Variants in SOS2 observed in about 807,000 individuals in gnomAD.
SOS2 encodes the protein son of sevenless homolog 2.
Under a neutral mutation model 148.2 loss-of-function variants are expected in SOS2, and 65 were observed. The ratio of observed to expected loss-of-function variants is 0.44; its 90% confidence interval spans 0.36 to 0.54. The LOEUF is 0.54. Among genes scored for constraint, SOS2 ranks in the 20% least tolerant of loss-of-function variants. The pLI, the probability that SOS2 is intolerant of heterozygous loss-of-function variation, is 0.00. For missense variants in SOS2, 1,341 were observed against 1,590.2 expected (o/e 0.84, Z 2.67); for synonymous variants, 539 against 537.1 (o/e 1.00, Z -0.05).
intron 7 of SOS2, 28 bp downstream of exon 7, chr14:50,180,544 A>AC: frequency 1.9e-6 from 2 of 1,031,092 alleles, no homozygotes; most frequent in Admixed American, 2.6e-5. Flanking sequence ...AAAAAAAAAA[A>AC]AAAAAAAAAC....
chr14:50,213,528 C>T (rs976865535), intron 1 of SOS2, among the ~76,000 whole-genome samples: 1 of 151,864 alleles, frequency 6.6e-6, no homozygotes, highest in African/African-American at 2.4e-5. Context: ...AGTGAAACCC[C>T]GTCTCTACTA....
intron 16 of SOS2, 73 bp downstream of exon 16, chr14:50,145,090 AGACAGAT>A (rs1048508980): frequency 2.8e-6 from 2 of 708,400 alleles, no homozygotes; most frequent in Admixed American, 6.0e-5. Flanking sequence ...TTAATTAAAA[AGACAGAT>A]GATAGATGAA....
chr14:50,185,939 C>T (rs186087298), intron 5 of SOS2, among the ~76,000 whole-genome samples: 10 of 152,124 alleles, frequency 6.6e-5, no homozygotes, highest in South Asian at 4.2e-4. Context: ...AAGTAATTTG[C>T]CCGTTATCAC....
intron 12 of SOS2, 103 bp downstream of exon 12, chr14:50,156,896 G>C: frequency 1.7e-6 from 1 of 583,588 alleles, no homozygotes; most frequent in Non-Finnish European, 2.7e-6. Context: ...TAAAAGCTGA[G>C]AGCTTTTGTG....
At chr14:50,201,855 CTT>C (rs1260597262) in intron 2 of SOS2, among the ~76,000 whole-genome samples, 3 of 152,284 alleles carry the variant, frequency 2.0e-5, no homozygotes, top group Non-Finnish European at 1.5e-5. Context: ...TCATGTATCT[CTT>C]GGAAGATGAA....
intron 19 of SOS2, among the ~76,000 whole-genome samples, chr14:50,131,935 T>C (rs1456469010): frequency 6.6e-6 from 1 of 152,084 alleles, no homozygotes; most frequent in African/African-American, 2.4e-5. Flanking sequence ...ACCACAGATA[T>C]CTCAACTGGT....
chr14:50,195,488 G>A (rs1886285060), intron 4 of SOS2, among the ~76,000 whole-genome samples: 1 of 152,170 alleles, frequency 6.6e-6, no homozygotes, highest in East Asian at 1.9e-4. Context: ...ATGGCCTGGT[G>A]CAGTGGCCAA....
At chr14:50,141,066 TGGTGGCG>T (rs1358020283) in intron 16 of SOS2, among the ~76,000 whole-genome samples, 1 of 150,964 alleles carries the variant, frequency 6.6e-6, no homozygotes, top group Non-Finnish European at 1.5e-5. Context: ...TAGCCGGGCG[TGGTGGCG>T]GGTGCCTGTA....
intron 8 of SOS2, among the ~76,000 whole-genome samples, chr14:50,165,155 C>A (rs1461936196): frequency 2.0e-5 from 3 of 152,154 alleles, no homozygotes; most frequent in African/African-American, 7.2e-5. Context: ...CAAGGATTTT[C>A]TTTTACAGAA....
chr14:50,180,160 C>A (rs1399290079), intron 7 of SOS2, among the ~76,000 whole-genome samples: 1 of 151,266 alleles, frequency 6.6e-6, no homozygotes, highest in Non-Finnish European at 1.5e-5. Context: ...CTCACCACCA[C>A]GCCCAGCTAA....
chr14:50,185,373 C>A (rs1885875105), intron 5 of SOS2, among the ~76,000 whole-genome samples: 1 of 152,146 alleles, frequency 6.6e-6, no homozygotes, highest in African/African-American at 2.4e-5. Flanking sequence ...TACGTTGTCA[C>A]AGAAATGTTC....
At chr14:50,190,333 A>G (rs1438167799) in intron 4 of SOS2, among the ~76,000 whole-genome samples, 4 of 152,232 alleles carry the variant, frequency 2.6e-5, no homozygotes, top group Non-Finnish European at 5.9e-5. Context: ...TGACAACACA[A>G]TAACAGATAT....
chr14:50,205,686 C>G (rs563103173), intron 1 of SOS2, among the ~76,000 whole-genome samples: 152 of 152,082 alleles, frequency 1.0e-3, no homozygotes, highest in Non-Finnish European at 1.0e-3. Context: ...AATCCCAGCA[C>G]TTTGGGAGGC....
intron 4 of SOS2, among the ~76,000 whole-genome samples, chr14:50,198,923 C>T (rs1426707725): frequency 6.6e-6 from 1 of 152,180 alleles, no homozygotes. Context: ...CTTTGGGAGG[C>T]TGAGGCAAGC....
intron 13 of SOS2, among the ~76,000 whole-genome samples, chr14:50,152,260 T>G (rs1386988536): frequency 1.3e-5 from 2 of 152,192 alleles, no homozygotes; most frequent in Non-Finnish European, 2.9e-5. Context: ...GATGACACAT[T>G]TGTTTAAATG....
At chr14:50,199,106 TTG>T (rs1005724158) in intron 4 of SOS2, among the ~76,000 whole-genome samples, 38 of 152,234 alleles carry the variant, frequency 2.5e-4, no homozygotes, top group African/African-American at 8.9e-4. Context: ...TGAGCTGAGA[TTG>T]TGCCACTGCA....
chr14:50,184,556 T>C (rs1885846418), intron 5 of SOS2, among the ~76,000 whole-genome samples: 1 of 151,726 alleles, frequency 6.6e-6, no homozygotes, highest in Non-Finnish European at 1.5e-5. Flanking sequence ...GACCAGATGA[T>C]TAGAGGATTG....
intron 22 of SOS2, among the ~76,000 whole-genome samples, chr14:50,119,163 G>A (rs934290295): frequency 2.0e-5 from 3 of 152,186 alleles, no homozygotes; most frequent in Non-Finnish European, 4.4e-5. Flanking sequence ...TTATAGACAT[G>A]AAAGGACATG....
chr14:50,201,816 G>A (rs891863005), intron 2 of SOS2, among the ~76,000 whole-genome samples: 1 of 152,114 alleles, frequency 6.6e-6, no homozygotes, highest in Non-Finnish European at 1.5e-5. Context: ...CTCTCCTTTC[G>A]TTAATCTTAG....
Sources: gnomAD v4.1 joint callset for allele counts (sites outside exome capture counted in the v4.1 genomes callset) on GRCh38, gnomAD v4.1.1 for gene constraint, MANE v1.5 for transcripts, NCBI Gene and HGNC (gene_info 2026-07-23, HGNC 2026-07-21) for gene names.